The following MAP2 variants were observed in gnomAD, a reference collection of about 807,000 sequenced individuals.
MAP2 encodes microtubule-associated protein 2.
Under a neutral mutation model 137.6 loss-of-function variants are expected in MAP2, and 14 were observed. That is an observed-to-expected ratio of 0.10 (90% CI 0.07 to 0.16). The LOEUF is 0.16. Among genes scored for constraint, MAP2 ranks in the 10% least tolerant of loss-of-function variants. MAP2 has a pLI of 1.00. For synonymous variants in MAP2, 786 were observed against 782.3 expected (o/e 1.00, Z -0.08); for missense variants, 2,088 against 2,191.5 (o/e 0.95, Z 0.94).
chr2:209,494,790 A>G (rs1474495401), intron 1 of MAP2, among the ~76,000 whole-genome samples: 1 of 152,240 alleles, frequency 6.6e-6, no homozygotes, highest in Non-Finnish European at 1.5e-5. Flanking sequence ...AAAACACAGA[A>G]AGAACTAAAA....
At chr2:209,616,434 T>C (rs1242522476) in intron 3 of MAP2, among the ~76,000 whole-genome samples, 2 of 152,230 alleles carry the variant, frequency 1.3e-5, no homozygotes, top group Non-Finnish European at 2.9e-5. Flanking sequence ...CTAGTCAGAA[T>C]GGTTAGGAAA....
chr2:209,612,507 A>T (rs1338717669), intron 3 of MAP2, among the ~76,000 whole-genome samples: 2 of 152,210 alleles, frequency 1.3e-5, no homozygotes, highest in Non-Finnish European at 2.9e-5. Flanking sequence ...GCTAAAAACC[A>T]ACTCTTCAGG....
chr2:209,555,349 T>C (rs1267322684), intron 2 of MAP2, among the ~76,000 whole-genome samples: 1 of 152,204 alleles, frequency 6.6e-6, no homozygotes, highest in Non-Finnish European at 1.5e-5. Context: ...AGTTCAGTTA[T>C]TTTTAAAAAA....
In MAP2 at chr2:209,694,740, T is replaced by C. The variant is rs1261631293; in HGVS notation, c.2570T>C (p.Ile857Thr). Residue 857 changes from isoleucine (I) to threonine (T), a missense_variant, in exon 8 of 16, where the codon ATT (isoleucine) becomes ACT (threonine). Transcript: ENST00000682079. ...CCGGTAACTGATGAAAACCATGTCA[T>C]TGTAAAAACGGACAGTCAGCTCGAA... is the stretch of plus-strand genomic sequence containing the variant. ...LPPVTDENHV[I>T]VKTDSQLEDL... 1 of 1,613,966 alleles carries C rather than the reference T, an allele frequency of 6.2e-7. No homozygotes were observed. Among genetic ancestry groups the C allele is most frequent in the Non-Finnish European group, 8.5e-7 (1 of 1,180,010 alleles).
rs2054309444 is a variant in MAP2, at chr2:209,680,974, CTT to C, written c.454+149_454+150del. The C allele has an allele frequency of 3.4e-5, 17 of 501,704 alleles. No homozygotes were observed. The South Asian group carries it at 8.3e-4, about 24-fold the overall frequency. The allele number at this position is 501,704 out of a possible 1,614,324, so 31.1% of individuals were successfully genotyped here. A position where few individuals can be genotyped will look rare whatever the true frequency, so the allele number is the denominator to read the frequency against. On this transcript the variant is annotated intron_variant, in intron 7 of 15. Coordinates refer to ENST00000682079, the MANE Select transcript of MAP2 (RefSeq NM_001375505.1). The stretch of plus-strand genomic sequence containing the variant: ...TCAAATAATGAAGAAGAAACAAAGA[CTT>C]TAAATAAATAATCACTTATTTTTAT...
At chr2:209,717,438 G>A (rs2068151543) in intron 13 of MAP2, among the ~76,000 whole-genome samples, 1 of 152,116 alleles carries the variant, frequency 6.6e-6, no homozygotes, top group South Asian at 2.1e-4. Context: ...CCTGAGATTT[G>A]GGCAGGGACA....
At chr2:209,589,352 T>G (rs1436652913) in intron 3 of MAP2, among the ~76,000 whole-genome samples, 1 of 152,174 alleles carries the variant, frequency 6.6e-6, no homozygotes, top group Non-Finnish European at 1.5e-5. Context: ...CACTAGAAAA[T>G]GGTAAACCTG....
At chr2:209,586,131 G>T (rs1025415453) in intron 3 of MAP2, among the ~76,000 whole-genome samples, 1 of 152,080 alleles carries the variant, frequency 6.6e-6, no homozygotes, top group Admixed American at 6.6e-5. Context: ...ATACACTTAA[G>T]GAGTCCGGAA....
intron 13 of MAP2, among the ~76,000 whole-genome samples, chr2:209,714,877 A>T (rs1374616465): frequency 6.6e-6 from 1 of 152,196 alleles, no homozygotes; most frequent in East Asian, 1.9e-4. Flanking sequence ...CTTATCTGCA[A>T]GTATGTAATT....
chr2:209,725,450 T>A (rs2073544339), intron 13 of MAP2, among the ~76,000 whole-genome samples: 1 of 152,240 alleles, frequency 6.6e-6, no homozygotes, highest in African/African-American at 2.4e-5. Flanking sequence ...TCTATCCTCC[T>A]GTGTCATAAT....
At chr2:209,641,585 A>G (rs1465599565) in intron 4 of MAP2, among the ~76,000 whole-genome samples, 1 of 150,930 alleles carries the variant, frequency 6.6e-6, no homozygotes, top group Non-Finnish European at 1.5e-5. Context: ...TAGACCCAGG[A>G]TTCACCCCTA....
intron 11 of MAP2, chr2:209,704,356 T>C (rs1167325077): frequency 9.4e-7 from 1 of 1,068,378 alleles, no homozygotes; most frequent in East Asian, 2.6e-5. Flanking sequence ...AAAAAGACTT[T>C]GAGTTTCTTA....
At chr2:209,512,742 A>G (rs1479630340) in intron 2 of MAP2, among the ~76,000 whole-genome samples, 2 of 152,126 alleles carry the variant, frequency 1.3e-5, no homozygotes, top group African/African-American at 2.4e-5. Flanking sequence ...TCTAAGCTCA[A>G]GTGATTCTCC....
intron 1 of MAP2, among the ~76,000 whole-genome samples, chr2:209,481,616 A>G (rs1156844385): frequency 6.6e-6 from 1 of 152,190 alleles, no homozygotes; most frequent in East Asian, 1.9e-4. Flanking sequence ...AAATCACATA[A>G]AATTGGCTCC....
At chr2:209,632,578 A>G (rs2093187742) in intron 4 of MAP2, among the ~76,000 whole-genome samples, 1 of 152,136 alleles carries the variant, frequency 6.6e-6, no homozygotes, top group Admixed American at 6.6e-5. Context: ...TCCTGAGACC[A>G]CCAAACACAA....
chr2:209,732,827 A>G lies in MAP2; in HGVS notation c.*2430A>G, dbSNP rs539884150. On this transcript the variant is annotated 3_prime_UTR_variant, in exon 16 of 16. Coordinates refer to ENST00000682079, the MANE Select transcript of MAP2 (RefSeq NM_001375505.1). ...GCATTAAAACAAATGTTTATTTCTA[A>G]TCACAACAAAATTATAATGAATAAA... is the stretch of plus-strand genomic sequence containing the variant. 6.5e-6 allele frequency: 1 copy of G among 152,790 alleles called. No homozygotes were observed. The highest frequency in any genetic ancestry group is 1.9e-4 in the East Asian group (1 of 5,192). 9.5% of individuals were successfully genotyped at this position (152,790 alleles called of 1,614,324 possible).
intron 1 of MAP2, among the ~76,000 whole-genome samples, chr2:209,454,849 G>A (rs2167933): frequency 0.13 from 20,469 of 152,102 alleles, 3,377 homozygotes; most frequent in African/African-American, 0.39. Context: ...TTTGGCTGCT[G>A]TATCAAAATA....
chr2:209,539,208 A>G (rs1314094609), intron 2 of MAP2, among the ~76,000 whole-genome samples: 1 of 152,218 alleles, frequency 6.6e-6, no homozygotes, highest in African/African-American at 2.4e-5. Context: ...TAAAATATGC[A>G]GATTGTTTCT....
intron 4 of MAP2, among the ~76,000 whole-genome samples, chr2:209,648,287 G>C (rs1386625970): frequency 6.6e-6 from 1 of 151,744 alleles, no homozygotes; most frequent in African/African-American, 2.4e-5. Flanking sequence ...TTTTTCTTGG[G>C]ACAGGGTTTC....
Sources: allele counts gnomAD v4.1 joint callset (sites outside exome capture counted in the v4.1 genomes callset), GRCh38; gene constraint gnomAD v4.1.1; transcripts MANE v1.5; gene names NCBI Gene and HGNC (gene_info 2026-07-23, HGNC 2026-07-21).